Variants in PAPPA2 observed in about 807,000 individuals in gnomAD.
PAPPA2 encodes pappalysin-2.
PAPPA2 carries 86 observed loss-of-function variants against 176.4 expected under a neutral mutation model. The ratio of observed to expected loss-of-function variants is 0.49; its 90% confidence interval spans 0.41 to 0.58. The LOEUF (loss-of-function observed/expected upper bound fraction) is 0.58, where lower values mean the gene tolerates loss of function less well. Among genes scored for constraint, PAPPA2 ranks in the 20% least tolerant of loss-of-function variants. The pLI is 0.00. For synonymous variants in PAPPA2, 809 were observed against 852.2 expected (o/e 0.95, Z 0.88); for missense variants, 2,073 against 2,256.9 (o/e 0.92, Z 1.65).
chr1:176,797,302 T>C (rs1231132463), intron 20 of PAPPA2, among the ~76,000 whole-genome samples: 1 of 152,190 alleles, frequency 6.6e-6, no homozygotes, highest in Non-Finnish European at 1.5e-5. Context: ...AAAGTTTTCT[T>C]ATCATTATAG....
intron 4 of PAPPA2, among the ~76,000 whole-genome samples, chr1:176,674,534 A>T (rs536584949): frequency 1.3e-5 from 2 of 152,168 alleles, no homozygotes; most frequent in Admixed American, 1.3e-4. Flanking sequence ...TTCCTGAGTT[A>T]CTTCACTTAG....
At chr1:176,594,255 C>T (rs1332884072) in intron 2 of PAPPA2, among the ~76,000 whole-genome samples, 1 of 152,244 alleles carries the variant, frequency 6.6e-6, no homozygotes. Flanking sequence ...TGAACATCTG[C>T]TTTCCAGCTT....
intron 21 of PAPPA2, among the ~76,000 whole-genome samples, chr1:176,821,631 G>A (rs980201587): frequency 6.6e-6 from 1 of 152,186 alleles, no homozygotes; most frequent in African/African-American, 2.4e-5. Flanking sequence ...CACAGGGCAT[G>A]TTCTTTTCAT....
chr1:176,649,066 G>A (rs554189366), intron 3 of PAPPA2, among the ~76,000 whole-genome samples: 2 of 151,414 alleles, frequency 1.3e-5, no homozygotes, highest in South Asian at 4.2e-4. Flanking sequence ...CAGGTCCTGG[G>A]TTTTTCTTTG....
At chr1:176,485,258 A>G (rs927058163) in intron 1 of PAPPA2, among the ~76,000 whole-genome samples, 12 of 152,174 alleles carry the variant, frequency 7.9e-5, no homozygotes, top group Admixed American at 7.9e-4. Flanking sequence ...ACTCAGAGTA[A>G]AAGTCCTTAT....
chr1:176,480,798 G>T (rs1652357808), intron 1 of PAPPA2, among the ~76,000 whole-genome samples: 1 of 149,080 alleles, frequency 6.7e-6, no homozygotes, highest in Non-Finnish European at 1.5e-5. Context: ...TTGCCATCTT[G>T]CCAGCAAGGA....
intron 3 of PAPPA2, among the ~76,000 whole-genome samples, chr1:176,629,927 C>T (rs528729347): frequency 2.0e-5 from 3 of 152,078 alleles, no homozygotes; most frequent in African/African-American, 4.8e-5. Flanking sequence ...GGTGTAGTGG[C>T]GGGCATCTGT....
chr1:176,557,313 A>T lies in PAPPA2; in HGVS notation c.919+72A>T, dbSNP rs987929898. 1.3e-5 allele frequency: 19 copies of T among 1,469,002 alleles called. No individual in the cohort carries two copies. In the South Asian group the frequency reaches 2.6e-4, roughly 20 times the overall value. 91.0% of individuals were successfully genotyped at this position (1,469,002 alleles called of 1,614,324 possible). Reference sequence around the variant, plus strand: ...GCTTTATTTCTGACGGGTTAGACATAGGGAGCGAGGATGGGAAGGGGACCC... The same window carrying T: ...GCTTTATTTCTGACGGGTTAGACATTGGGAGCGAGGATGGGAAGGGGACCC... On this transcript the variant is annotated intron_variant, in intron 2 of 22. Transcript: ENST00000367662.
intron 1 of PAPPA2, among the ~76,000 whole-genome samples, chr1:176,475,251 T>G (rs1013754786): frequency 1.3e-5 from 2 of 151,926 alleles, no homozygotes; most frequent in Non-Finnish European, 2.9e-5. Context: ...TGGCACAGAG[T>G]AGGTGGTCAA....
At chr1:176,796,078 C>G (rs1258797609) in intron 20 of PAPPA2, among the ~76,000 whole-genome samples, 1 of 152,200 alleles carries the variant, frequency 6.6e-6, no homozygotes, top group Non-Finnish European at 1.5e-5. Flanking sequence ...AGCCCCACCC[C>G]CAAAGTGTCC....
chr1:176,813,206 G>A (rs1197995261), intron 21 of PAPPA2, among the ~76,000 whole-genome samples: 2 of 152,042 alleles, frequency 1.3e-5, no homozygotes, highest in Non-Finnish European at 2.9e-5. Context: ...AGGCATTTTG[G>A]TTTATTCCAT....
chr1:176,692,264 A>C lies in PAPPA2; in HGVS notation c.2570A>C (p.Asn857Thr). The part of the protein sequence containing the change: ...PIPPMVIGQT[N>T]KSLTIHWLPP... ...CCACCTATGGTCATCGGACAGACCA[A>C]CAAGTCCCTCACTATCCACTGGCTG... The change falls in exon 6 of 23, where the codon AAC becomes ACC. Residue 857 changes from asparagine to threonine, a missense_variant. Coordinates refer to ENST00000367662, the MANE Select transcript of PAPPA2 (RefSeq NM_020318.3). 1.2e-6 allele frequency: 2 copies of C among 1,614,056 alleles called. No individual in the cohort carries two copies. Among genetic ancestry groups the C allele is most frequent in the South Asian group, 2.2e-5 (2 of 91,070 alleles).
At chr1:176,839,153 G>T (rs906826600) in intron 21 of PAPPA2, among the ~76,000 whole-genome samples, 2 of 152,194 alleles carry the variant, frequency 1.3e-5, no homozygotes, top group Non-Finnish European at 2.9e-5. Flanking sequence ...TTGACCACAA[G>T]ATGTTTCCTA....
chr1:176,736,044 C>A (rs1221564039), intron 12 of PAPPA2, among the ~76,000 whole-genome samples: 2 of 152,068 alleles, frequency 1.3e-5, no homozygotes, highest in Admixed American at 6.6e-5. Flanking sequence ...GCTAATAATT[C>A]TTTTGACTTT....
chr1:176,606,324 G>A (rs927198477), intron 3 of PAPPA2, among the ~76,000 whole-genome samples: 1 of 152,142 alleles, frequency 6.6e-6, no homozygotes, highest in African/African-American at 2.4e-5. Flanking sequence ...CCAGCAAAAT[G>A]TTTAGCTGAT....
At chr1:176,765,022 A>C (rs931222913) in intron 14 of PAPPA2, among the ~76,000 whole-genome samples, 2 of 152,232 alleles carry the variant, frequency 1.3e-5, no homozygotes, top group Non-Finnish European at 2.9e-5. Context: ...GGCATGGGAC[A>C]TGGATTCAAG....
intron 21 of PAPPA2, among the ~76,000 whole-genome samples, chr1:176,826,178 A>G (rs2102979067): frequency 6.6e-6 from 1 of 152,330 alleles, no homozygotes; most frequent in South Asian, 2.1e-4. Context: ...TTAAAAGCAA[A>G]GGAACAAATA....
intron 3 of PAPPA2, among the ~76,000 whole-genome samples, chr1:176,603,523 T>C (rs879861394): frequency 5.9e-5 from 9 of 152,192 alleles, no homozygotes; most frequent in Admixed American, 5.2e-4. Flanking sequence ...TGATCTATTA[T>C]TAATTTCAAC....
chr1:176,793,523 A>C, intron 19 of PAPPA2, 37 bp from the exon 20 acceptor site: 1 of 1,508,158 alleles, frequency 6.6e-7, no homozygotes, highest in South Asian at 1.1e-5. Flanking sequence ...GAGATCTGGG[A>C]AGTTCAAGTC....
Sources: allele counts gnomAD v4.1 joint callset (sites outside exome capture counted in the v4.1 genomes callset), GRCh38; gene constraint gnomAD v4.1.1; transcripts MANE v1.5; gene names NCBI Gene and HGNC (gene_info 2026-07-23, HGNC 2026-07-21).